Variants in GLDN observed in about 807,000 individuals in gnomAD.
The protein encoded by GLDN is collomin.
A neutral mutation model predicts 56.5 loss-of-function variants in GLDN; 47 were observed. The ratio of observed to expected loss-of-function variants is 0.83; its 90% CI spans 0.66 to 1.06. The LOEUF is 1.06. Ranked by LOEUF, GLDN falls within the 50% of genes least tolerant of loss-of-function variation. GLDN has a pLI of 0.00. For synonymous variants in GLDN, 332 were observed against 278.8 expected (o/e 1.19, Z -1.90); for missense variants, 782 against 714.3 (o/e 1.09, Z -1.08).
chr15:51,346,400 T>C (rs1305950110), intron 1 of GLDN, among the ~76,000 whole-genome samples: 1 of 152,144 alleles, frequency 6.6e-6, no homozygotes, highest in African/African-American at 2.4e-5. Context: ...ATTTAGTACA[T>C]GATAAAGACA....
rs570947626 is a variant in GLDN at position 51,406,353 on chromosome 15, C to A, written c.*1599C>A. On this transcript the variant is annotated 3_prime_UTR_variant, in exon 10 of 10. Transcript: ENST00000335449. Reference sequence around the variant, plus strand: ...GAATAGAGAGGAAGCTGGAAAAGTTCCTGGGGCTCTGCAGCCAGGAAGGGG... The same window carrying A: ...GAATAGAGAGGAAGCTGGAAAAGTTACTGGGGCTCTGCAGCCAGGAAGGGG... 1.9e-4 allele frequency: 29 copies of A among 152,298 alleles called. No homozygotes were observed. The highest frequency in any genetic ancestry group is 6.7e-4 in the African/African-American group (28 of 41,576). 9.4% of individuals were successfully genotyped at this position (152,298 alleles called of 1,614,324 possible). A position where few individuals can be genotyped will look rare whatever the true frequency, so the allele number is the denominator to read the frequency against.
chr15:51,389,393 C>A, intron 4 of GLDN, among the ~76,000 whole-genome samples: 1 of 152,174 alleles, frequency 6.6e-6, no homozygotes, highest in East Asian at 1.9e-4. Context: ...GGCTTACAAT[C>A]CAGTTGAAAG....
intron 1 of GLDN, among the ~76,000 whole-genome samples, chr15:51,349,220 G>C (rs983423329): frequency 6.6e-6 from 1 of 152,166 alleles, no homozygotes; most frequent in East Asian, 1.9e-4. Context: ...ATTGTTTATA[G>C]AGAAAAAAAA....
At chr15:51,364,195 C>G (rs182241244) in intron 1 of GLDN, among the ~76,000 whole-genome samples, 2 of 152,264 alleles carry the variant, frequency 1.3e-5, no homozygotes, top group Admixed American at 1.3e-4. Flanking sequence ...GCACTGGACT[C>G]TAATTACACG....
At chr15:51,353,794 T>TCACCAC (rs553882245) in intron 1 of GLDN, among the ~76,000 whole-genome samples, 17 of 129,678 alleles carry the variant, frequency 1.3e-4, no homozygotes, top group Non-Finnish European at 2.4e-4. Flanking sequence ...TTCCTCAAAC[T>TCACCAC]CACCACCACC....
chr15:51,412,873 C>G (rs2038481639), downstream of GLDN, among the ~76,000 whole-genome samples: 1 of 152,048 alleles, frequency 6.6e-6, no homozygotes, highest in Admixed American at 6.6e-5. Flanking sequence ...ATAGTTGCAA[C>G]AGAAACTTTA....
chr15:51,358,772 T>C (rs2446414), intron 1 of GLDN, among the ~76,000 whole-genome samples: 68,514 of 151,984 alleles, frequency 0.45, 16,238 homozygotes, highest in African/African-American at 0.56. Context: ...GACCCTCAAA[T>C]GCTGAAGAAG....
intron 1 of GLDN, among the ~76,000 whole-genome samples, chr15:51,365,988 A>G (rs1232352194): frequency 2.6e-5 from 4 of 152,242 alleles, no homozygotes; most frequent in Non-Finnish European, 5.9e-5. Flanking sequence ...GGACTCACAA[A>G]TAGGCAATTC....
At chr15:51,349,698 GACC>G (rs1595800307) in intron 1 of GLDN, among the ~76,000 whole-genome samples, 2 of 151,380 alleles carry the variant, frequency 1.3e-5, no homozygotes, top group East Asian at 3.9e-4. Flanking sequence ...AACTTTGCCA[GACC>G]TCCACTTACA....
intron 4 of GLDN, chr15:51,384,321 T>C (rs1396890985): frequency 2.7e-5 from 6 of 224,326 alleles, no homozygotes; most frequent in Non-Finnish European, 5.2e-5. Context: ...TGTTGGCCCC[T>C]GGTAAGGCAT....
chr15:51,343,213 A>T (rs900274252), intron 1 of GLDN, among the ~76,000 whole-genome samples: 2 of 152,244 alleles, frequency 1.3e-5, no homozygotes, highest in East Asian at 3.8e-4. Context: ...TTTTAAAACT[A>T]CGTAAAAGTA....
intron 4 of GLDN, chr15:51,384,995 C>A (rs1264098997): frequency 6.6e-6 from 1 of 152,168 alleles, no homozygotes; most frequent in Non-Finnish European, 1.5e-5. Flanking sequence ...TTGTCGAGCA[C>A]CTCTGACACT....
intron 1 of GLDN, among the ~76,000 whole-genome samples, chr15:51,349,831 C>T (rs1012630340): frequency 1.3e-5 from 2 of 151,976 alleles, no homozygotes; most frequent in African/African-American, 4.8e-5. Context: ...CCTCTGCCTC[C>T]TGAGTTCAAG....
intron 1 of GLDN, among the ~76,000 whole-genome samples, chr15:51,364,328 C>A (rs909054616): frequency 6.6e-6 from 1 of 152,172 alleles, no homozygotes; most frequent in Non-Finnish European, 1.5e-5. Context: ...AGTTCACTAA[C>A]CTTTCATCTG....
intron 1 of GLDN, among the ~76,000 whole-genome samples, chr15:51,359,222 T>C (rs2037244896): frequency 6.6e-6 from 1 of 152,188 alleles, no homozygotes; most frequent in Non-Finnish European, 1.5e-5. Context: ...CTCTCAGACT[T>C]AAAACAGATC....
intron 1 of GLDN, 120 bp downstream of exon 1, chr15:51,342,167 G>C: frequency 8.0e-7 from 1 of 1,247,570 alleles, no homozygotes; most frequent in Non-Finnish European, 1.1e-6. Flanking sequence ...GGAGAGGGCT[G>C]TGGGCATGAG....
chr15:51,374,736 CTTT>C (rs71297688), intron 1 of GLDN, among the ~76,000 whole-genome samples: 17 of 110,234 alleles, frequency 1.5e-4, no homozygotes, highest in Admixed American at 2.0e-4. Flanking sequence ...CTTTCTTTTC[CTTT>C]TTTTTTTTTT....
In GLDN at chr15:51,341,750, C is replaced by A. The variant is rs911378311; in HGVS notation, c.66C>A (p.Ala22=). 4 of 1,471,906 alleles carry A rather than the reference C, an allele frequency of 2.7e-6. No individual in the cohort carries two copies. The highest frequency in any genetic ancestry group is 1.8e-6 in the Non-Finnish European group (2 of 1,123,222). 91.2% of individuals were successfully genotyped at this position (1,471,906 alleles called of 1,614,324 possible). ...AGWGLRGALA[A]VALLSALNAA... Reference sequence around the variant, plus strand: ...GGGGCCTGCGTGGCGCCCTGGCGGCCGTGGCGCTGCTCTCGGCGCTCAACG... The same window carrying A: ...GGGGCCTGCGTGGCGCCCTGGCGGCAGTGGCGCTGCTCTCGGCGCTCAACG... Residue 22 remains alanine (A), a synonymous_variant, in exon 1 of 10, where the codon GCC becomes GCA. Transcript: ENST00000335449.
At chr15:51,354,260 A>G (rs1487874788) in intron 1 of GLDN, among the ~76,000 whole-genome samples, 1 of 152,158 alleles carries the variant, frequency 6.6e-6, no homozygotes, top group African/African-American at 2.4e-5. Flanking sequence ...GTTGTGAATA[A>G]GTGTACTCCA....
Sources: allele counts gnomAD v4.1 joint callset (sites outside exome capture counted in the v4.1 genomes callset), GRCh38; gene constraint gnomAD v4.1.1; transcripts MANE v1.5; gene names NCBI Gene and HGNC (gene_info 2026-07-23, HGNC 2026-07-21).